The following FYB2 variants were observed in gnomAD, a reference collection of about 807,000 sequenced individuals.
The protein encoded by FYB2 is FYN binding protein 2, also known as FYN-binding protein 2.
A neutral mutation model predicts 94.1 loss-of-function variants in FYB2; 103 were observed. The observed-to-expected ratio is 1.09, with a 90% CI of 0.93 to 1.29. The LOEUF (loss-of-function observed/expected upper bound fraction) is 1.29, where lower values mean the gene tolerates loss of function less well. FYB2 is among the 50% of genes most tolerant of loss of function. FYB2 has a pLI of 0.00. For missense variants in FYB2, 896 were observed against 841.5 expected, an observed-to-expected ratio of 1.06 and a Z score of -0.80; for synonymous variants, 293 against 287.9, an observed-to-expected ratio of 1.02 and a Z score of -0.18.
Position 56,812,513 on chromosome 1 carries a change from T to G in FYB2, c.9+6769A>C, listed in dbSNP as rs201199372. Among the ~76,000 whole-genome samples, 54 of 152,328 alleles carry G rather than the reference T, an allele frequency of 3.5e-4. No homozygotes were observed. In the East Asian group the frequency reaches 4.1e-3, roughly 11 times the overall value. On this transcript the variant is annotated intron_variant, in intron 1 of 19. Transcript: ENST00000343433. ...CTTTTTCCAGTATTATGATACAAAA[T>G]TGCTTAATTATTATTTCTGAAGCAC...
At chr1:56,819,484 G>A (rs141496515), upstream of FYB2, 418 of 722,226 alleles carry the variant, frequency 5.8e-4, no homozygotes, top group African/African-American at 6.2e-3. Flanking sequence ...GGCCAGGGCC[G>A]GCCGCCATCC....
At chr1:56,749,190 C>A (rs1234159128) in intron 9 of FYB2, among the ~76,000 whole-genome samples, 1 of 151,636 alleles carries the variant, frequency 6.6e-6, no homozygotes, top group Non-Finnish European at 1.5e-5. Context: ...TGCTTGAGAA[C>A]TTTAGGGTTC....
chr1:56,757,687 C>CTTCCTTCCTTCCTTCT (rs1293394860), intron 6 of FYB2, among the ~76,000 whole-genome samples: 66 of 71,940 alleles, frequency 9.2e-4, no homozygotes, highest in African/African-American at 4.1e-3. Flanking sequence ...TCCTTCCTTC[C>CTTCCTTCCTTCCTTCT]TTCTTTCTTT....
At chr1:56,799,963 T>C (rs1646482912) in intron 1 of FYB2, among the ~76,000 whole-genome samples, 2 of 152,232 alleles carry the variant, frequency 1.3e-5, no homozygotes, top group African/African-American at 4.8e-5. Context: ...GAAGATACTA[T>C]TTCTATGCAC....
chr1:56,737,349 A>AT (rs1451410984), intron 14 of FYB2: 2 of 427,508 alleles, frequency 4.7e-6, no homozygotes, highest in Non-Finnish European at 8.1e-6. Flanking sequence ...CAACTGAAAG[A>AT]TTAAAAAAAA....
At chr1:56,759,409 T>C (rs138923856) in intron 5 of FYB2, among the ~76,000 whole-genome samples, 9 of 152,268 alleles carry the variant, frequency 5.9e-5, no homozygotes, top group Non-Finnish European at 1.0e-4. Context: ...CTTCCTAGGA[T>C]ATAGGGTATG....
chr1:56,799,310 ATTC>A (rs1646468563), intron 1 of FYB2, among the ~76,000 whole-genome samples: 1 of 152,204 alleles, frequency 6.6e-6, no homozygotes, highest in Non-Finnish European at 1.5e-5. Flanking sequence ...TCAATTTAAA[ATTC>A]TTCTATTAAT....
intron 5 of FYB2, among the ~76,000 whole-genome samples, chr1:56,761,017 C>T (rs1467820534): frequency 1.3e-5 from 2 of 152,142 alleles, no homozygotes; most frequent in Non-Finnish European, 2.9e-5. Context: ...ATAACCCTCT[C>T]TCCACTGATT....
At chr1:56,823,794 C>T (rs1407809862), upstream of FYB2, 1 of 152,186 alleles carries the variant, frequency 6.6e-6, no homozygotes, top group Non-Finnish European at 1.5e-5. Flanking sequence ...GGTCTTCCCC[C>T]ACTAATGCCA....
At position 56,777,239 on chromosome 1, in the gene FYB2, C is replaced by CAAAAAAAA. The variant is rs1453236717; in HGVS notation, c.954-9309_954-9302dup. Among the ~76,000 whole-genome samples, 27 of 4,800 alleles carry CAAAAAAAA rather than the reference C, an allele frequency of 5.6e-3. 6 individuals carry two copies. The highest frequency in any genetic ancestry group is 0.01 in the Admixed American group (2 of 194). The allele number at this position is 4,800 out of a possible 152,430, so 3.1% of individuals were successfully genotyped here. A position where few individuals can be genotyped will look rare whatever the true frequency, so the allele number is the denominator to read the frequency against. ...ACAGAGCGAGACTCCGTCTCAAAAA[C>CAAAAAAAA]AAAAAAAAAAAAAAAAAAAAAAAAA... On this transcript the variant is annotated intron_variant, in intron 4 of 19. Coordinates refer to ENST00000343433, the MANE Select transcript of FYB2 (RefSeq NM_001004303.5).
chr1:56,795,838 A>T (rs1261751320), intron 1 of FYB2, among the ~76,000 whole-genome samples: 1 of 152,210 alleles, frequency 6.6e-6, no homozygotes, highest in East Asian at 1.9e-4. Context: ...TATGGATTTG[A>T]TAACCTCCAA....
In FYB2 at chr1:56,793,440, AT is replaced by A. The variant is rs149257971; in HGVS notation, c.10-638del. Among the ~76,000 whole-genome samples the A allele has an allele frequency of 3.3e-3, 510 of 152,292 alleles. 3 individuals are homozygous for A. Among genetic ancestry groups the A allele is most frequent in the African/African-American group, 0.011 (469 of 41,580 alleles). On this transcript the variant is annotated intron_variant, in intron 1 of 19. Transcript: ENST00000343433. The stretch of plus-strand genomic sequence containing the variant: ...GAACTTAATTCAATATGCAAAAAAA[AT>A]ATAACTCCATTAAAAAATGGACAAA...
At chr1:56,798,803 C>G (rs1646458106) in intron 1 of FYB2, among the ~76,000 whole-genome samples, 1 of 152,134 alleles carries the variant, frequency 6.6e-6, no homozygotes, top group African/African-American at 2.4e-5. Flanking sequence ...TGTGACTTGT[C>G]CAAGGTCACG....
At chr1:56,794,618 A>C (rs2100990597) in intron 1 of FYB2, among the ~76,000 whole-genome samples, 1 of 152,184 alleles carries the variant, frequency 6.6e-6, no homozygotes. Flanking sequence ...AGGGAGCTTA[A>C]GTACATGCAC....
intron 4 of FYB2, among the ~76,000 whole-genome samples, chr1:56,771,365 A>G (rs557910452): frequency 1.3e-5 from 2 of 152,324 alleles, no homozygotes; most frequent in African/African-American, 4.8e-5. Context: ...TTGCAGAAGG[A>G]TAACATAAGG....
chr1:56,789,037 A>G lies in FYB2; in HGVS notation c.855T>C (p.Pro285=). Residue 285 remains proline, a synonymous_variant, in exon 3 of 20, where the codon CCT becomes CCC. Coordinates refer to ENST00000343433, the MANE Select transcript of FYB2 (RefSeq NM_001004303.5). ...GAAAGGCCTGGAGGTTCACGATGGG[A>G]GGTCTTGAAGGCTTTGGGGGAGGAG... ...LGPPPPKPSR[P]PIVNLQAFQR... is the part of the protein sequence containing the mutation. The G allele has an allele frequency of 6.2e-7, 1 of 1,613,988 alleles. No homozygotes were observed. Among genetic ancestry groups the G allele is most frequent in the East Asian group, 2.2e-5 (1 of 44,876 alleles).
In FYB2 at chr1:56,792,097, C is replaced by T. The variant is rs768423085; in HGVS notation, c.716G>A (p.Cys239Tyr). 1.9e-6 allele frequency: 3 copies of T among 1,608,132 alleles called. No individual in the cohort carries two copies. The highest frequency in any genetic ancestry group is 1.1e-5 in the South Asian group (1 of 89,756). ...PPERSPASSP[C>Y]QPIYECELAS... is the part of the protein sequence containing the mutation. ...AAGCTCACACTCATAGATGGGCTGG[C>T]AGGGGCTGCTTGCCGGGCTCCTCTC... is the stretch of plus-strand genomic sequence containing the variant. Residue 239 changes from cysteine (C) to tyrosine (Y), a missense_variant, in exon 2 of 20, where the codon TGC becomes TAC. Cys to Tyr is a radical substitution (Grantham distance 194, BLOSUM62 -2). Coordinates refer to ENST00000343433, the MANE Select transcript of FYB2 (RefSeq NM_001004303.5).
rs1234486524 is a variant in FYB2, at chr1:56,723,599, C to CT, written c.1962dup (p.Glu655ArgfsTer4). ...AGAAGAGAACGTACCTTAAACCTTT[C>CT]TCTAAATAGTTTTTCTTCTCTTTTC... On this transcript the variant is annotated frameshift_variant, in exon 17 of 20. Coordinates refer to ENST00000343433, the MANE Select transcript of FYB2 (RefSeq NM_001004303.5). LOFTEE classifies it high-confidence loss of function. 1.9e-6 allele frequency: 3 copies of CT among 1,542,778 alleles called. No homozygotes were observed. In the African/African-American group the frequency reaches 4.1e-5, roughly 21 times the overall value.
intron 1 of FYB2, among the ~76,000 whole-genome samples, chr1:56,818,711 C>T (rs1168487335): frequency 6.6e-6 from 1 of 152,174 alleles, no homozygotes; most frequent in African/African-American, 2.4e-5. Context: ...CTGATAGTCT[C>T]ACAAAGTAGT....
Sources: gnomAD v4.1 joint callset for allele counts (sites outside exome capture counted in the v4.1 genomes callset) on GRCh38, gnomAD v4.1.1 for gene constraint, MANE v1.5 for transcripts, NCBI Gene and HGNC (gene_info 2026-07-23, HGNC 2026-07-21) for gene names.